Variants in KSR1 observed in about 807,000 individuals in gnomAD.
The protein encoded by KSR1 is kinase suppressor of ras 1, also known as kinase suppressor of ras.
KSR1 carries 35 observed loss-of-function variants against 92.9 expected under a neutral mutation model. The ratio of observed to expected loss-of-function variants is 0.38; its 90% CI spans 0.29 to 0.50. KSR1 has a LOEUF of 0.50. Among genes scored for constraint, KSR1 ranks in the 20% least tolerant of loss-of-function variants. The probability of loss-of-function intolerance (pLI) is 0.94; values close to 1 mark genes in which losing one functional copy is unlikely to be tolerated. For missense variants in KSR1, 972 were observed against 1,158.5 expected, an observed-to-expected ratio of 0.84 and a Z score of 2.34; for synonymous variants, 467 against 472.6, an observed-to-expected ratio of 0.99 and a Z score of 0.15.
intron 1 of KSR1, among the ~76,000 whole-genome samples, chr17:27,494,776 T>C (rs1342231565): frequency 1.3e-5 from 2 of 152,234 alleles, no homozygotes; most frequent in Non-Finnish European, 2.9e-5. Flanking sequence ...GTCGTGAGAA[T>C]GAAAGCTTCT....
At chr17:27,622,535 G>T (rs1003207992) in intron 20 of KSR1, 1 of 152,690 alleles carries the variant, frequency 6.5e-6, no homozygotes, top group African/African-American at 2.4e-5. Flanking sequence ...GACACAGAAA[G>T]TTCTGTGGCC....
At position 27,609,252 on chromosome 17, in the gene KSR1, C is replaced by T. The variant is rs781333621; in HGVS notation, c.2148C>T (p.Asn716=). ...TACACAAAGATCTCAAATCTAAGAA[C>T]GTCTTCTATGACAACGGCAAGGTGG... The part of the protein sequence containing the change: ...GIVHKDLKSK[N]VFYDNGKVVI... The change falls in exon 16 of 21, where the codon AAC becomes AAT. Residue 716 remains asparagine (N), a synonymous_variant. Transcript: ENST00000644974. 9.9e-6 allele frequency: 16 copies of T among 1,613,860 alleles called. No homozygotes were observed. The highest frequency in any genetic ancestry group is 8.0e-5 in the African/African-American group (6 of 74,904).
intron 18 of KSR1, among the ~76,000 whole-genome samples, chr17:27,611,933 A>T (rs1029826533): frequency 1.3e-5 from 2 of 152,114 alleles, no homozygotes; most frequent in African/African-American, 4.8e-5. Flanking sequence ...GTAAAGCCCC[A>T]TGTTATTTAC....
At chr17:27,533,064 G>A (rs2070610220) in intron 1 of KSR1, among the ~76,000 whole-genome samples, 1 of 152,156 alleles carries the variant, frequency 6.6e-6, no homozygotes, top group East Asian at 1.9e-4. Flanking sequence ...TGGACAGTAG[G>A]CACCCCAAAA....
chr17:27,520,855 T>C (rs2069995880), intron 1 of KSR1, among the ~76,000 whole-genome samples: 1 of 152,220 alleles, frequency 6.6e-6, no homozygotes, highest in Non-Finnish European at 1.5e-5. Context: ...TGAAAGCAGG[T>C]AGCTGGAGGA....
intron 1 of KSR1, among the ~76,000 whole-genome samples, chr17:27,460,116 G>A (rs573245256): frequency 1.3e-5 from 2 of 152,114 alleles, no homozygotes; most frequent in Non-Finnish European, 2.9e-5. Flanking sequence ...TTCTGTCTCC[G>A]CTAGACCCTC....
chr17:27,611,666 G>GGAGGT (rs755877742), intron 18 of KSR1, 37 bp downstream of exon 18: 1 of 1,612,346 alleles, frequency 6.2e-7, no homozygotes, highest in South Asian at 1.1e-5. Context: ...CAGTAGGGCT[G>GGAGGT]GAGGTGGGGT....
At chr17:27,545,223 C>A (rs775057260) in intron 1 of KSR1, among the ~76,000 whole-genome samples, 1 of 152,190 alleles carries the variant, frequency 6.6e-6, no homozygotes, top group South Asian at 2.1e-4. Flanking sequence ...AAAAAGAAAC[C>A]GCTTGCTCCT....
chr17:27,461,402 T>C (rs2019430302), intron 1 of KSR1, among the ~76,000 whole-genome samples: 1 of 152,212 alleles, frequency 6.6e-6, no homozygotes, highest in Non-Finnish European at 1.5e-5. Flanking sequence ...TCCCAGAGTC[T>C]TGGGGACTTC....
intron 1 of KSR1, among the ~76,000 whole-genome samples, chr17:27,479,087 C>A (rs573126354): frequency 9.3e-5 from 14 of 149,826 alleles, no homozygotes; most frequent in Non-Finnish European, 1.3e-4. Context: ...TCCCTCCATG[C>A]TCTTCCCTCC....
intron 11 of KSR1, among the ~76,000 whole-genome samples, chr17:27,602,683 C>T (rs2073609360): frequency 6.6e-6 from 1 of 152,180 alleles, no homozygotes; most frequent in Non-Finnish European, 1.5e-5. Context: ...AACATTTGAG[C>T]AGTGTGGGAT....
chr17:27,597,131 A>T, intron 9 of KSR1, 137 bp from the exon 10 acceptor site: 1 of 922,314 alleles, frequency 1.1e-6, no homozygotes, highest in Non-Finnish European at 1.6e-6. Context: ...CTCAAATGTT[A>T]GATGTGTAAA....
chr17:27,539,688 C>T (rs766111258), intron 1 of KSR1, among the ~76,000 whole-genome samples: 2 of 152,150 alleles, frequency 1.3e-5, no homozygotes, highest in Non-Finnish European at 2.9e-5. Flanking sequence ...AAGTGGGTGT[C>T]TTTCTTTCTC....
intron 2 of KSR1, among the ~76,000 whole-genome samples, chr17:27,564,137 C>T (rs536861278): frequency 1.3e-5 from 2 of 151,974 alleles, no homozygotes; most frequent in South Asian, 2.1e-4. Context: ...TACAGATACC[C>T]GTCACCACAC....
intron 1 of KSR1, among the ~76,000 whole-genome samples, chr17:27,539,870 C>T (rs2070894310): frequency 6.6e-6 from 1 of 152,246 alleles, no homozygotes; most frequent in Non-Finnish European, 1.5e-5. Context: ...AGTGTTTTGA[C>T]TCACCTTGGC....
At chr17:27,589,641 A>G (rs2073095696) in intron 6 of KSR1, among the ~76,000 whole-genome samples, 1 of 152,224 alleles carries the variant, frequency 6.6e-6, no homozygotes, top group South Asian at 2.1e-4. Flanking sequence ...CGTTAAAAAA[A>G]ATCTGTGTTT....
At chr17:27,573,772 G>T (rs2072399761) in intron 2 of KSR1, among the ~76,000 whole-genome samples, 1 of 152,204 alleles carries the variant, frequency 6.6e-6, no homozygotes, top group Non-Finnish European at 1.5e-5. Flanking sequence ...CACTTGTTAA[G>T]CTGTGAAGTC....
chr17:27,469,257 G>A (rs1239456894), intron 1 of KSR1, among the ~76,000 whole-genome samples: 4 of 152,226 alleles, frequency 2.6e-5, no homozygotes, highest in Non-Finnish European at 4.4e-5. Flanking sequence ...TCTTTTCTCC[G>A]TGGTCTTTTG....
In KSR1 at chr17:27,577,890, C is replaced by A; in HGVS notation, c.520+251C>A. Reference sequence around the variant, plus strand: ...TGGTTAGAAATCCCAGGCCTGTCTGCTGGGCTGGGCTGGCCTGGCATGGTT... The same window carrying A: ...TGGTTAGAAATCCCAGGCCTGTCTGATGGGCTGGGCTGGCCTGGCATGGTT... On this transcript the variant is annotated intron_variant, in intron 3 of 20. Transcript: ENST00000644974. This position sits in a 1 kb window ranked among gnomAD's most constrained non-coding sequence, Gnocchi z 4.5. The A allele has an allele frequency of 1.6e-6, 1 of 621,054 alleles. No homozygotes were observed. Among genetic ancestry groups the A allele is most frequent in the South Asian group, 1.7e-5 (1 of 57,500 alleles). The allele number at this position is 621,054 out of a possible 1,614,324, so 38.5% of individuals were successfully genotyped here.
Sources: allele counts gnomAD v4.1 joint callset (sites outside exome capture counted in the v4.1 genomes callset), GRCh38; gene constraint gnomAD v4.1.1; non-coding constraint Gnocchi (gnomAD v3.1); transcripts MANE v1.5; gene names NCBI Gene and HGNC (gene_info 2026-07-23, HGNC 2026-07-21).